Variants in IL31RA observed in about 807,000 individuals in gnomAD.
IL31RA encodes interleukin-31 receptor subunit alpha.
Under a neutral mutation model 83.7 loss-of-function variants are expected in IL31RA, and 66 were observed. The ratio of observed to expected loss-of-function variants is 0.79; its 90% CI spans 0.65 to 0.97. The LOEUF (loss-of-function observed/expected upper bound fraction) is 0.97. Among genes scored for constraint, IL31RA ranks in the 50% least tolerant of loss-of-function variants. The pLI, the probability that IL31RA is intolerant of heterozygous loss-of-function variation, is 0.00. For missense variants in IL31RA, 798 were observed against 919.4 expected (o/e 0.87, Z 1.71); for synonymous variants, 325 against 329.0 (o/e 0.99, Z 0.13).
At chr5:55,886,484 G>T (rs748702901) in intron 5 of IL31RA, among the ~76,000 whole-genome samples, 1 of 151,862 alleles carries the variant, frequency 6.6e-6, no homozygotes, top group Non-Finnish European at 1.5e-5. Flanking sequence ...ATGTTGGTCA[G>T]GCTGGTCTCG....
intron 1 of IL31RA, among the ~76,000 whole-genome samples, chr5:55,855,983 G>T (rs1019326227): frequency 6.6e-5 from 10 of 152,178 alleles, no homozygotes; most frequent in Non-Finnish European, 1.3e-4. Context: ...TGTAACCTCT[G>T]CCTTTTGAGT....
chr5:55,891,761 ATTTTTTTTTTTTT>A (rs35672011), intron 6 of IL31RA, among the ~76,000 whole-genome samples: 7 of 60,028 alleles, frequency 1.2e-4, no homozygotes, highest in African/African-American at 3.9e-4. Context: ...TTTGGACAAG[ATTTTTTTTTTTTT>A]TTTTTTTTTT....
intron 5 of IL31RA, among the ~76,000 whole-genome samples, chr5:55,886,730 A>T (rs1035878932): frequency 2.3e-4 from 35 of 152,164 alleles, no homozygotes; most frequent in African/African-American, 8.2e-4. Flanking sequence ...CGATCCCTTC[A>T]CGCTCTTGCT....
the IL31RA span, among the ~76,000 whole-genome samples, chr5:55,845,620 G>A: frequency 1.3e-5 from 2 of 152,098 alleles, no homozygotes; most frequent in South Asian, 2.1e-4. Context: ...TAAGTGTCTG[G>A]CATTTCTCCT....
intron 1 of IL31RA, among the ~76,000 whole-genome samples, 197 bp downstream of exon 1, chr5:55,851,830 C>A (rs2112260232): frequency 6.6e-6 from 1 of 152,304 alleles, no homozygotes; most frequent in East Asian, 1.9e-4. Context: ...GCTTTCTCAT[C>A]TTTACCAGTT....
At chr5:55,869,501 T>C (rs1344257761) in intron 3 of IL31RA, among the ~76,000 whole-genome samples, 1 of 152,142 alleles carries the variant, frequency 6.6e-6, no homozygotes, top group African/African-American at 2.4e-5. Flanking sequence ...TGAGACAGAA[T>C]CTCACTCTGT....
chr5:55,859,682 C>G, intron 2 of IL31RA, 83 bp downstream of exon 2: 1 of 962,180 alleles, frequency 1.0e-6, no homozygotes, highest in Non-Finnish European at 1.7e-6. Flanking sequence ...AAAGCGACAC[C>G]TGGATTATGG....
chr5:55,870,861 G>C (rs67050028), intron 3 of IL31RA, among the ~76,000 whole-genome samples: 10,947 of 152,258 alleles, frequency 0.072, 649 homozygotes, highest in African/African-American at 0.16. Flanking sequence ...GGGGAGTTGG[G>C]GATGCCTTCA....
intron 1 of IL31RA, among the ~76,000 whole-genome samples, chr5:55,858,818 A>C (rs75097109): frequency 6.6e-6 from 1 of 152,260 alleles, no homozygotes; most frequent in East Asian, 1.9e-4. Flanking sequence ...TCTACCAGGT[A>C]CCAGGCACTG....
rs1749439473 is a variant in IL31RA at position 55,910,557 on chromosome 5, G to T, written c.1527G>T (p.Leu509Phe). ...CCAAGACAGTCAATTCCAGCATCTT[G>T]CAGTACGGCCTGGAGTCCCTGAAAC... Reference protein sequence around the residue: ...GFSKTVNSSILQYGLESLKRK... With the variant: ...GFSKTVNSSIFQYGLESLKRK... Residue 509 changes from leucine (L) to phenylalanine (F), a missense_variant, in exon 12 of 15, where the codon TTG (leucine) becomes TTT (phenylalanine). Coordinates refer to ENST00000652347, the MANE Select transcript of IL31RA (RefSeq NM_139017.7). The T allele has an allele frequency of 6.2e-7, 1 of 1,614,014 alleles. No individual in the cohort carries two copies. Among genetic ancestry groups the T allele is most frequent in the African/African-American group, 1.3e-5 (1 of 74,898 alleles).
Position 55,898,188 on chromosome 5 carries a change from C to T in IL31RA, c.853-1728C>T, listed in dbSNP as rs561042146. On this transcript the variant is annotated intron_variant, in intron 7 of 14. Coordinates refer to ENST00000652347, the MANE Select transcript of IL31RA (RefSeq NM_139017.7). ...GGGGAGGAAAGCCAACAACCTCACA[C>T]GCCCACATGTGGTCTTAGCTACATA... 1.1e-3 allele frequency among the ~76,000 whole-genome samples: 167 copies of T among 152,300 alleles called. 1 individual carries two copies. Among genetic ancestry groups the T allele is most frequent in the African/African-American group, 3.7e-3 (155 of 41,550 alleles).
chr5:55,857,454 G>A (rs907285274), intron 1 of IL31RA, among the ~76,000 whole-genome samples: 1 of 152,178 alleles, frequency 6.6e-6, no homozygotes, highest in African/African-American at 2.4e-5. Flanking sequence ...AGAGGAGAAT[G>A]TGGGAAAGGC....
Position 55,896,378 on chromosome 5 carries a change from C to A in IL31RA, c.801C>A (p.Val267=), listed in dbSNP as rs377602981. ...EAPCGLELWR[V]LKPAEADGRR... ...CATGTGGCCTGGAACTGTGGAGAGT[C>A]CTGAAACCAGCTGAGGCGGATGGAA... Residue 267 remains valine, a synonymous_variant, in exon 7 of 15, where the codon GTC becomes GTA. Coordinates refer to ENST00000652347, the MANE Select transcript of IL31RA (RefSeq NM_139017.7). 1.1e-5 allele frequency: 17 copies of A among 1,613,736 alleles called. No individual in the cohort carries two copies. Among genetic ancestry groups the A allele is most frequent in the African/African-American group, 1.3e-5 (1 of 74,988 alleles).
chr5:55,867,217 GTGTT>G (rs1170647769), intron 2 of IL31RA, among the ~76,000 whole-genome samples: 15 of 125,004 alleles, frequency 1.2e-4, no homozygotes, highest in Admixed American at 2.2e-4. Context: ...GTGCGCATGT[GTGTT>G]TGTGTGTGTG....
rs911247595 is a variant in IL31RA at position 55,920,384 on chromosome 5, A to G, written c.*3264A>G. ...ATCCAGGCCCTGTTTTTGTAGGTTC[A>G]TGAACTAAAAGCTATAATGACCTAT... On this transcript the variant is annotated 3_prime_UTR_variant, in exon 15 of 15. Coordinates refer to ENST00000652347, the MANE Select transcript of IL31RA (RefSeq NM_139017.7). 9.9e-5 allele frequency among the ~76,000 whole-genome samples: 15 copies of G among 152,256 alleles called. No individual in the cohort carries two copies. Among genetic ancestry groups the G allele is most frequent in the Admixed American group, 2.6e-4 (4 of 15,292 alleles).
intron 5 of IL31RA, among the ~76,000 whole-genome samples, chr5:55,885,165 TC>T (rs775922315): frequency 1.8e-4 from 27 of 152,302 alleles, no homozygotes; most frequent in Non-Finnish European, 4.0e-4. Context: ...TTTTATCTTG[TC>T]CAGGAGGCTA....
intron 13 of IL31RA, among the ~76,000 whole-genome samples, chr5:55,914,315 T>C (rs914845020): frequency 6.6e-6 from 1 of 152,184 alleles, no homozygotes; most frequent in African/African-American, 2.4e-5. Flanking sequence ...TGCACTTAAG[T>C]AATCATTTTG....
At position 55,913,555 on chromosome 5, in the gene IL31RA, G is replaced by T; in HGVS notation, c.1721G>T (p.Gly574Val). 6.2e-7 allele frequency: 1 copy of T among 1,612,158 alleles called. No individual in the cohort carries two copies. Among genetic ancestry groups the T allele is most frequent in the Non-Finnish European group, 8.5e-7 (1 of 1,178,232 alleles). Residue 574 changes from glycine to valine, a missense_variant, in exon 13 of 15, where the codon GGT (glycine) becomes GTT (valine). Transcript: ENST00000652347. ...CTCATTATCCTGACAGTGGCATATGGTCTCAAAAAACCCAAGTGAGTCTGC... is the reference window on the plus strand; with the variant it reads ...CTCATTATCCTGACAGTGGCATATGTTCTCAAAAAACCCAAGTGAGTCTGC... ...LILIILTVAY[G>V]LKKPNKLTHL...
chr5:55,922,287 G>A lies in IL31RA; in HGVS notation c.*5167G>A, dbSNP rs1474548824. 2.3e-6 allele frequency: 2 copies of A among 857,174 alleles called. No homozygotes were observed. Among genetic ancestry groups the A allele is most frequent in the African/African-American group, 3.3e-5 (2 of 59,784 alleles). 53.1% of individuals were successfully genotyped at this position (857,174 alleles called of 1,614,324 possible). ...GATGAAAAGGGCTGGGGAGAAGCAAGGGGCAGGGGAGGGGCAGAACTCCAC... is the reference window on the plus strand; with the variant it reads ...GATGAAAAGGGCTGGGGAGAAGCAAAGGGCAGGGGAGGGGCAGAACTCCAC... On this transcript the variant is annotated 3_prime_UTR_variant, in exon 15 of 15. Coordinates refer to ENST00000652347, the MANE Select transcript of IL31RA (RefSeq NM_139017.7).
Sources: allele counts gnomAD v4.1 joint callset (sites outside exome capture counted in the v4.1 genomes callset), GRCh38; gene constraint gnomAD v4.1.1; transcripts MANE v1.5; gene names NCBI Gene and HGNC (gene_info 2026-07-23, HGNC 2026-07-21).